The following MAP4K4 variants were observed in gnomAD, a reference collection of about 807,000 sequenced individuals.
MAP4K4 encodes HPK/GCK-like kinase HGK.
In MAP4K4, 38 loss-of-function variants were observed where a neutral mutation model predicts 189.6. The observed-to-expected ratio is 0.20, with a 90% CI of 0.15 to 0.26. The LOEUF is 0.26. Ranked by LOEUF, MAP4K4 falls within the 10% of genes least tolerant of loss-of-function variation. The probability of loss-of-function intolerance (pLI) is 1.00; values close to 1 mark genes in which losing one functional copy is unlikely to be tolerated. For missense variants in MAP4K4, 1,054 were observed against 1,726.9 expected (o/e 0.61, Z 6.91); for synonymous variants, 610 against 624.3 (o/e 0.98, Z 0.34).
chr2:101,802,715 C>T (rs2149001015), intron 3 of MAP4K4, among the ~76,000 whole-genome samples: 1 of 152,264 alleles, frequency 6.6e-6, no homozygotes, highest in South Asian at 2.1e-4. Context: ...TAATGTATAC[C>T]AGTGCCTCCA....
intron 2 of MAP4K4, among the ~76,000 whole-genome samples, chr2:101,730,907 C>T (rs1161339107): frequency 6.6e-6 from 1 of 151,526 alleles, no homozygotes; most frequent in African/African-American, 2.4e-5. Flanking sequence ...ATTAGCCGGG[C>T]ACGATGGCGG....
At chr2:101,861,689 C>T (rs1013771202) in intron 16 of MAP4K4, 1 of 152,090 alleles carries the variant, frequency 6.6e-6, no homozygotes, top group African/African-American at 2.4e-5. Flanking sequence ...CAGTGCTGTC[C>T]ATAGAGGAGA....
intron 23 of MAP4K4, 149 bp downstream of exon 23, chr2:101,870,564 A>T: frequency 3.7e-6 from 4 of 1,077,828 alleles, no homozygotes; most frequent in Non-Finnish European, 3.9e-6. Context: ...GTCGGGGGCT[A>T]GGGAGGCAGG....
At chr2:101,752,514 C>T (rs1370473740) in intron 2 of MAP4K4, among the ~76,000 whole-genome samples, 2 of 152,104 alleles carry the variant, frequency 1.3e-5, no homozygotes, top group African/African-American at 4.8e-5. Context: ...CTATTTTCTG[C>T]CAATCATAGC....
At chr2:101,882,762 G>T in intron 28 of MAP4K4, 77 bp downstream of exon 28, 2 of 1,392,122 alleles carry the variant, frequency 1.4e-6, no homozygotes, top group African/African-American at 1.5e-5. Context: ...AATTTTCACA[G>T]GTTTTTTGAA....
Position 101,831,720 on chromosome 2 carries a change from G to A in MAP4K4, c.509-1G>A. ...TATCTGCCTTTTTCTTCCTCCCACAGTTGACTTTGGTGTGAGTGCTCAGCT... is the reference window on the plus strand; with the variant it reads ...TATCTGCCTTTTTCTTCCTCCCACAATTGACTTTGGTGTGAGTGCTCAGCT... On this transcript the variant is annotated splice_acceptor_variant, in intron 6 of 32. Coordinates refer to ENST00000324219, the Ensembl canonical transcript of MAP4K4. LOFTEE classifies it high-confidence loss of function. 6.3e-7 allele frequency: 1 copy of A among 1,594,422 alleles called. No individual in the cohort carries two copies. Among genetic ancestry groups the A allele is most frequent in the South Asian group, 1.1e-5 (1 of 88,110 alleles).
chr2:101,887,176 C>G (rs767341279), exon 30 of MAP4K4: 1 of 1,612,156 alleles, frequency 6.2e-7, no homozygotes, highest in South Asian at 1.1e-5. Flanking sequence ...GGATCCTGTG[C>G]TGGATTCCAT....
intron 12 of MAP4K4, among the ~76,000 whole-genome samples, chr2:101,846,750 A>G (rs1312677843): frequency 6.6e-6 from 1 of 152,222 alleles, no homozygotes; most frequent in Non-Finnish European, 1.5e-5. Flanking sequence ...GAGCTTCTTA[A>G]TTAGGAAAGA....
chr2:101,742,311 T>C (rs1410056032), intron 2 of MAP4K4, among the ~76,000 whole-genome samples: 2 of 152,226 alleles, frequency 1.3e-5, no homozygotes, highest in Non-Finnish European at 2.9e-5. Context: ...AGCAAAGCTG[T>C]ACTGAAAGCT....
chr2:101,852,602 ATGT>A (rs1036994150), intron 12 of MAP4K4, among the ~76,000 whole-genome samples: 2 of 152,116 alleles, frequency 1.3e-5, no homozygotes, highest in African/African-American at 2.4e-5. Flanking sequence ...TGTTTGTAAG[ATGT>A]TGTTTGCTTG....
rs575387437 is a variant in MAP4K4 at position 101,763,241 on chromosome 2, T to C, written c.124-27479T>C. On this transcript the variant is annotated intron_variant, in intron 2 of 32. Coordinates refer to ENST00000324219, the Ensembl canonical transcript of MAP4K4. ...AGAAGGAGAAGTTGTGTAGCACTTA[T>C]ACTTACCTACCACACCAGCCAGTGG... 7.2e-5 allele frequency among the ~76,000 whole-genome samples: 11 copies of C among 152,336 alleles called. No homozygotes were observed. The South Asian group carries it at 1.7e-3, about 23-fold the overall frequency.
intron 2 of MAP4K4, among the ~76,000 whole-genome samples, chr2:101,789,697 T>C (rs943138736): frequency 6.6e-6 from 1 of 152,220 alleles, no homozygotes; most frequent in Non-Finnish European, 1.5e-5. Flanking sequence ...GTTTTACATC[T>C]GTTGCAGAAG....
intron 2 of MAP4K4, among the ~76,000 whole-genome samples, chr2:101,725,460 C>G (rs991015009): frequency 6.6e-6 from 1 of 151,264 alleles, no homozygotes; most frequent in Non-Finnish European, 1.5e-5. Flanking sequence ...ATCATTTACT[C>G]TTGTCTGTTT....
At chr2:101,757,061 C>G (rs1444270979) in intron 2 of MAP4K4, among the ~76,000 whole-genome samples, 5 of 152,098 alleles carry the variant, frequency 3.3e-5, no homozygotes, top group Non-Finnish European at 1.5e-5. Context: ...GTCTCATTCA[C>G]CTCTTGAGAT....
chr2:101,859,588 A>G, intron 14 of MAP4K4, 55 bp from the exon 15 acceptor site: 1 of 1,307,110 alleles, frequency 7.7e-7, no homozygotes, highest in South Asian at 1.4e-5. Context: ...AATCCAGAGA[A>G]GAGGCGAGCT....
chr2:101,828,173 T>C (rs897237553), intron 5 of MAP4K4, among the ~76,000 whole-genome samples: 2 of 152,070 alleles, frequency 1.3e-5, no homozygotes, highest in Admixed American at 1.3e-4. Flanking sequence ...TGAACAAGAG[T>C]GCATGCAAGC....
At chr2:101,815,841 G>A (rs566197550) in intron 3 of MAP4K4, among the ~76,000 whole-genome samples, 8 of 152,114 alleles carry the variant, frequency 5.3e-5, no homozygotes, top group Middle Eastern at 3.4e-3. Flanking sequence ...AACCCTTTGA[G>A]CACTGGGTAG....
intron 2 of MAP4K4, among the ~76,000 whole-genome samples, chr2:101,760,126 A>G (rs986375735): frequency 1.3e-5 from 2 of 150,958 alleles, no homozygotes; most frequent in African/African-American, 4.9e-5. Context: ...GATCACAGGC[A>G]TGAGCCACTG....
At chr2:101,868,161 T>A (rs1444751440) in intron 21 of MAP4K4, 124 bp downstream of exon 21, 2 of 1,059,102 alleles carry the variant, frequency 1.9e-6, no homozygotes, top group African/African-American at 1.6e-5. Context: ...TTCTAGAATT[T>A]AAAAACCTCA....
Sources: allele counts gnomAD v4.1 joint callset (sites outside exome capture counted in the v4.1 genomes callset), GRCh38; gene constraint gnomAD v4.1.1; transcripts MANE v1.5; gene names NCBI Gene and HGNC (gene_info 2026-07-23, HGNC 2026-07-21).